Variants in TRAPPC9 observed in about 807,000 individuals in gnomAD.
TRAPPC9 encodes IKK2 binding protein.
Under a neutral mutation model 124.0 loss-of-function variants are expected in TRAPPC9, and 83 were observed. The ratio of observed to expected loss-of-function variants is 0.67; its 90% CI spans 0.56 to 0.80. TRAPPC9 has a LOEUF of 0.80. TRAPPC9 is among the 30% of genes least tolerant of loss of function. TRAPPC9 has a pLI of 0.00. For missense variants in TRAPPC9, 1,302 were observed against 1,508.3 expected (o/e 0.86, Z 2.27); for synonymous variants, 638 against 617.5 (o/e 1.03, Z -0.49).
At chr8:140,430,788 G>A (rs998203066) in intron 4 of TRAPPC9, among the ~76,000 whole-genome samples, 12 of 152,028 alleles carry the variant, frequency 7.9e-5, no homozygotes, top group Admixed American at 2.6e-4. Flanking sequence ...ACAGGCACGC[G>A]CCAACATCCC....
intron 16 of TRAPPC9, among the ~76,000 whole-genome samples, chr8:140,235,096 G>A (rs982714893): frequency 2.6e-5 from 4 of 152,026 alleles, no homozygotes; most frequent in Non-Finnish European, 4.4e-5. Context: ...TCAGCCTCCC[G>A]AGTAGGCTGG....
chr8:140,246,238 A>G (rs6991134), intron 16 of TRAPPC9, among the ~76,000 whole-genome samples: 9,516 of 151,488 alleles, frequency 0.063, 527 homozygotes, highest in African/African-American at 0.15. Flanking sequence ...CTCTCTAATC[A>G]CTCCTTTGCT....
At chr8:139,918,570 T>C (rs918731208) in intron 19 of TRAPPC9, among the ~76,000 whole-genome samples, 3 of 152,184 alleles carry the variant, frequency 2.0e-5, no homozygotes, top group African/African-American at 7.2e-5. Flanking sequence ...CCGGCTCCCC[T>C]TGCCCTTTAG....
intron 17 of TRAPPC9, among the ~76,000 whole-genome samples, chr8:140,147,572 G>A (rs2061481977): frequency 6.6e-6 from 1 of 152,320 alleles, no homozygotes; most frequent in African/African-American, 2.4e-5. Context: ...AGCGCAAGAA[G>A]ATGAGAAATC....
At chr8:140,326,614 G>A (rs531520188) in intron 9 of TRAPPC9, among the ~76,000 whole-genome samples, 4 of 152,270 alleles carry the variant, frequency 2.6e-5, no homozygotes, top group Admixed American at 1.3e-4. Context: ...GATGGCTCAC[G>A]CCTGTAATCC....
intron 19 of TRAPPC9, among the ~76,000 whole-genome samples, chr8:139,986,311 C>T (rs1040414337): frequency 2.0e-5 from 3 of 151,824 alleles, no homozygotes; most frequent in Non-Finnish European, 2.9e-5. Context: ...TATGTCTATA[C>T]AATAAAGTAG....
intron 11 of TRAPPC9, among the ~76,000 whole-genome samples, chr8:140,297,931 GA>G (rs1201606800): frequency 2.6e-5 from 4 of 152,204 alleles, no homozygotes; most frequent in Non-Finnish European, 5.9e-5. Context: ...CACGTGAGAG[GA>G]AACCATAGGG....
At chr8:139,955,879 T>C (rs1020967093) in intron 19 of TRAPPC9, among the ~76,000 whole-genome samples, 2 of 152,226 alleles carry the variant, frequency 1.3e-5, no homozygotes, top group African/African-American at 2.4e-5. Context: ...CTGTGATGCC[T>C]GGTGTGGTCT....
In TRAPPC9 at chr8:139,988,520, G is replaced by A. The variant is rs6989296; in HGVS notation, c.2810+206C>T. On this transcript the variant is annotated intron_variant, in intron 19 of 22. Transcript: ENST00000438773. ...GTTGCTACTTCCTCAGACGCCATCCGGCTTTACCTACTTTGCACTTAGCTC... is the reference window on the plus strand; with the variant it reads ...GTTGCTACTTCCTCAGACGCCATCCAGCTTTACCTACTTTGCACTTAGCTC... Among the ~76,000 whole-genome samples, 13,729 of 152,122 alleles carry A rather than the reference G, an allele frequency of 0.09. 1,146 individuals carry two copies. Among genetic ancestry groups the A allele is most frequent in the African/African-American group, 0.22 (9,261 of 41,452 alleles).
At chr8:139,971,792 C>T (rs1587376546) in intron 19 of TRAPPC9, among the ~76,000 whole-genome samples, 1 of 15,646 alleles carries the variant, frequency 6.4e-5, no homozygotes, top group African/African-American at 2.4e-4. Context: ...CATATATACA[C>T]ATATATATAT....
intron 17 of TRAPPC9, among the ~76,000 whole-genome samples, chr8:140,186,308 G>T (rs931651686): frequency 6.6e-6 from 1 of 152,172 alleles, no homozygotes; most frequent in African/African-American, 2.4e-5. Flanking sequence ...ATTAGGCTGG[G>T]CATGGTGGCT....
intron 17 of TRAPPC9, among the ~76,000 whole-genome samples, chr8:140,114,902 C>T (rs1426020588): frequency 6.6e-6 from 1 of 152,218 alleles, no homozygotes; most frequent in African/African-American, 2.4e-5. Flanking sequence ...CGGAATAATA[C>T]ATTCAATTAA....
At chr8:139,882,049 C>T (rs1034763516) in intron 21 of TRAPPC9, among the ~76,000 whole-genome samples, 2 of 152,118 alleles carry the variant, frequency 1.3e-5, no homozygotes, top group Admixed American at 1.3e-4. Context: ...AAGGAGAGCC[C>T]CTTGTGAGTT....
chr8:140,245,471 G>C (rs2063961153), intron 16 of TRAPPC9, among the ~76,000 whole-genome samples: 1 of 151,082 alleles, frequency 6.6e-6, no homozygotes, highest in Admixed American at 6.6e-5. Context: ...TGTGGTGTGT[G>C]TGTGTGTGTG....
intron 19 of TRAPPC9, among the ~76,000 whole-genome samples, chr8:139,939,895 T>A (rs958522379): frequency 4.6e-5 from 7 of 152,242 alleles, no homozygotes; most frequent in African/African-American, 1.7e-4. Context: ...GGGAAAGGCC[T>A]GCCCCTCTGG....
At position 139,947,894 on chromosome 8, in the gene TRAPPC9, G is replaced by GTA. The variant is rs55645825; in HGVS notation, c.2811-37596_2811-37595dup. Among the ~76,000 whole-genome samples the GTA allele has an allele frequency of 1.3e-3, 88 of 65,846 alleles. 6 individuals are homozygous for GTA. The highest frequency in any genetic ancestry group is 8.3e-3 in the South Asian group (14 of 1,694). 43.2% of individuals were successfully genotyped at this position (65,846 alleles called of 152,430 possible). A position where few individuals can be genotyped will look rare whatever the true frequency, so the allele number is the denominator to read the frequency against. ...AAAAAAAAAAAAAAGAAATATGTGTGTATATATATATATAGAGAGAGAGAG... is the reference window on the plus strand; with the variant it reads ...AAAAAAAAAAAAAAGAAATATGTGTGTATATATATATATATAGAGAGAGAGAG... On this transcript the variant is annotated intron_variant, in intron 19 of 22. Transcript: ENST00000438773.
chr8:140,159,937 A>G (rs1275039964), intron 17 of TRAPPC9, among the ~76,000 whole-genome samples: 1 of 152,246 alleles, frequency 6.6e-6, no homozygotes, highest in African/African-American at 2.4e-5. Flanking sequence ...ATCTACAACG[A>G]ACTTAAACAA....
At chr8:139,758,699 G>T (rs535691008) in intron 21 of TRAPPC9, among the ~76,000 whole-genome samples, 56 of 152,358 alleles carry the variant, frequency 3.7e-4, no homozygotes, top group African/African-American at 1.2e-3. Context: ...GTGTCAGAAG[G>T]TGAAGGCGGT....
chr8:140,152,355 C>CTTTTTTTTTTT (rs34124150), intron 17 of TRAPPC9, among the ~76,000 whole-genome samples: 2 of 93,878 alleles, frequency 2.1e-5, no homozygotes, highest in African/African-American at 4.5e-5. Context: ...ATATTGCCAT[C>CTTTTTTTTTTT]TTTTTTTTTT....
Sources: gnomAD v4.1 joint callset for allele counts (sites outside exome capture counted in the v4.1 genomes callset) on GRCh38, gnomAD v4.1.1 for gene constraint, MANE v1.5 for transcripts, NCBI Gene and HGNC (gene_info 2026-07-23, HGNC 2026-07-21) for gene names.